ITGBL1: variants seen among roughly 807,000 people sequenced by gnomAD.
The protein encoded by ITGBL1 is integrin subunit beta like 1.
ITGBL1 carries 51 observed loss-of-function variants against 68.5 expected under a neutral mutation model. The ratio of observed to expected loss-of-function variants is 0.74; its 90% CI spans 0.59 to 0.94. The LOEUF is 0.94. ITGBL1 is among the 40% of genes least tolerant of loss of function. ITGBL1 has a pLI of 0.00. For missense variants in ITGBL1, 649 were observed against 647.4 expected, an observed-to-expected ratio of 1.00 and a Z score of -0.03; for synonymous variants, 209 against 227.3, an observed-to-expected ratio of 0.92 and a Z score of 0.72.
At position 101,671,447 on chromosome 13, in the gene ITGBL1, G is replaced by GTTTT. The variant is rs1313845131; in HGVS notation, c.1016-21132_1016-21129dup. On this transcript the variant is annotated intron_variant, in intron 7 of 10. Coordinates refer to ENST00000376180, the MANE Select transcript of ITGBL1 (RefSeq NM_004791.3). The stretch of plus-strand genomic sequence containing the variant: ...CTTTGTTTTTTTTTTGTTTTTTTTT[G>GTTTT]TTTTTTTTTGAGACGGAGTCTCGCT... Among the ~76,000 whole-genome samples the GTTTT allele has an allele frequency of 1.9e-5, 2 of 103,628 alleles. 1 individual carries two copies. Among genetic ancestry groups the GTTTT allele is most frequent in the Admixed American group, 2.2e-4 (2 of 9,076 alleles). 68.0% of individuals were successfully genotyped at this position (103,628 alleles called of 152,430 possible).
intron 7 of ITGBL1, among the ~76,000 whole-genome samples, chr13:101,615,592 C>A (rs1190239701): frequency 6.6e-6 from 1 of 151,942 alleles, no homozygotes; most frequent in Non-Finnish European, 1.5e-5. Flanking sequence ...GTGATTAGGT[C>A]ATGAGGGTGG....
intron 2 of ITGBL1, among the ~76,000 whole-genome samples, chr13:101,481,486 G>T (rs1439813207): frequency 6.6e-6 from 1 of 152,034 alleles, no homozygotes; most frequent in African/African-American, 2.4e-5. Context: ...TGGAGATGGG[G>T]CTGCAATTTG....
chr13:101,663,092 T>C lies in ITGBL1; in HGVS notation c.1016-29493T>C, dbSNP rs538312183. ...ATTTGAAGGGAACCACAAGCAGCTT[T>C]GTTTCTATCTGTGATGGAAGATAAC... On this transcript the variant is annotated intron_variant, in intron 7 of 10. Transcript: ENST00000376180. 4.6e-5 allele frequency among the ~76,000 whole-genome samples: 7 copies of C among 152,302 alleles called. No homozygotes were observed. In the East Asian group the frequency reaches 1.4e-3, roughly 29 times the overall value.
At chr13:101,667,704 C>G (rs2033256134) in intron 7 of ITGBL1, among the ~76,000 whole-genome samples, 1 of 152,018 alleles carries the variant, frequency 6.6e-6, no homozygotes, top group African/African-American at 2.4e-5. Flanking sequence ...TTTACTGTCT[C>G]ATGACTAAAA....
intron 7 of ITGBL1, among the ~76,000 whole-genome samples, chr13:101,645,162 C>G (rs1164329077): frequency 6.6e-6 from 1 of 152,156 alleles, no homozygotes; most frequent in Non-Finnish European, 1.5e-5. Context: ...AGTCTCTCAT[C>G]AGAGACCAAG....
intron 2 of ITGBL1, among the ~76,000 whole-genome samples, chr13:101,513,220 G>T (rs767359242): frequency 2.6e-5 from 4 of 152,018 alleles, no homozygotes; most frequent in Non-Finnish European, 5.9e-5. Context: ...TGTGAAGAGG[G>T]ATATTTAAAA....
At chr13:101,517,176 G>A (rs543257758) in intron 2 of ITGBL1, among the ~76,000 whole-genome samples, 109 of 152,134 alleles carry the variant, frequency 7.2e-4, no homozygotes, top group African/African-American at 2.4e-3. Context: ...TTGCATTTCA[G>A]GCAAGAGACC....
At chr13:101,633,336 G>A (rs2032050327) in intron 7 of ITGBL1, among the ~76,000 whole-genome samples, 1 of 152,082 alleles carries the variant, frequency 6.6e-6, no homozygotes, top group Non-Finnish European at 1.5e-5. Flanking sequence ...GATTAAGAAG[G>A]GTATGCATAT....
intron 7 of ITGBL1, among the ~76,000 whole-genome samples, chr13:101,661,811 T>G (rs1221807367): frequency 2.6e-5 from 4 of 152,210 alleles, no homozygotes; most frequent in Non-Finnish European, 5.9e-5. Context: ...TTAGAAAGTT[T>G]ATTAATTATA....
intron 2 of ITGBL1, among the ~76,000 whole-genome samples, chr13:101,505,257 G>A (rs2049009162): frequency 6.6e-6 from 1 of 152,164 alleles, no homozygotes; most frequent in African/African-American, 2.4e-5. Flanking sequence ...TTGACAATCA[G>A]AATGATGAAG....
chr13:101,481,101 C>G (rs868744013), intron 2 of ITGBL1, among the ~76,000 whole-genome samples: 1 of 142,634 alleles, frequency 7.0e-6, no homozygotes, highest in Admixed American at 7.2e-5. Context: ...TATACACACA[C>G]GTGCATGTAT....
intron 7 of ITGBL1, among the ~76,000 whole-genome samples, chr13:101,614,215 T>A (rs539815606): frequency 6.6e-6 from 1 of 152,048 alleles, no homozygotes; most frequent in East Asian, 1.9e-4. Context: ...TGTCAAAGAG[T>A]CCAGAAAAGG....
chr13:101,678,060 CTA>C (rs1017078838), intron 7 of ITGBL1, among the ~76,000 whole-genome samples: 25 of 152,066 alleles, frequency 1.6e-4, no homozygotes, highest in Non-Finnish European at 2.5e-4. Flanking sequence ...AAATTATAAA[CTA>C]TTTTTATTTG....
At chr13:101,518,371 G>A (rs1353595656) in intron 2 of ITGBL1, among the ~76,000 whole-genome samples, 1 of 152,096 alleles carries the variant, frequency 6.6e-6, no homozygotes, top group African/African-American at 2.4e-5. Context: ...ACATTGTTAT[G>A]TTGCTGGATA....
At chr13:101,714,937 T>C (rs2034645542) in intron 10 of ITGBL1, 1 of 197,934 alleles carries the variant, frequency 5.1e-6, no homozygotes, top group Non-Finnish European at 1.0e-5. Flanking sequence ...CTAGTTGATG[T>C]GTTGGTTGCT....
At chr13:101,684,344 C>T (rs1374488911) in intron 7 of ITGBL1, among the ~76,000 whole-genome samples, 1 of 151,834 alleles carries the variant, frequency 6.6e-6, no homozygotes, top group Non-Finnish European at 1.5e-5. Context: ...TGGTGCTTTC[C>T]ATTTCTGTAT....
chr13:101,458,642 C>T (rs1016598197), intron 2 of ITGBL1, among the ~76,000 whole-genome samples: 6 of 152,156 alleles, frequency 3.9e-5, no homozygotes, highest in Non-Finnish European at 7.3e-5. Context: ...GTTCCAGTCT[C>T]TCATATAAAA....
chr13:101,553,703 C>T (rs1566729253), intron 2 of ITGBL1, among the ~76,000 whole-genome samples: 1 of 151,756 alleles, frequency 6.6e-6, no homozygotes, highest in Non-Finnish European at 1.5e-5. Context: ...TGACCCTTGG[C>T]TTGTAGACAC....
intron 8 of ITGBL1, among the ~76,000 whole-genome samples, chr13:101,702,657 C>G (rs1298769732): frequency 6.6e-6 from 1 of 152,082 alleles, no homozygotes; most frequent in Admixed American, 6.5e-5. Context: ...TCAGTTGTGT[C>G]AAATTGTGAT....
Sources: gnomAD v4.1 joint callset for allele counts (sites outside exome capture counted in the v4.1 genomes callset) on GRCh38, gnomAD v4.1.1 for gene constraint, MANE v1.5 for transcripts, NCBI Gene and HGNC (gene_info 2026-07-23, HGNC 2026-07-21) for gene names.